ALS2: variants seen among roughly 807,000 people sequenced by gnomAD.
The protein encoded by ALS2 is alsin Rho guanine nucleotide exchange factor ALS2.
Under a neutral mutation model 203.4 loss-of-function variants are expected in ALS2, and 117 were observed. That is an observed-to-expected ratio of 0.58 (90% CI 0.50 to 0.67). The LOEUF (loss-of-function observed/expected upper bound fraction) is 0.67, where lower values mean the gene tolerates loss of function less well. Ranked by LOEUF, ALS2 falls within the 30% of genes least tolerant of loss-of-function variation. The probability of loss-of-function intolerance (pLI) is 0.00; values close to 1 mark genes in which losing one functional copy is unlikely to be tolerated. For synonymous variants in ALS2, 718 were observed against 725.9 expected (o/e 0.99, Z 0.17); for missense variants, 1,715 against 1,989.4 (o/e 0.86, Z 2.62).
intron 2 of ALS2, among the ~76,000 whole-genome samples, chr2:201,767,907 C>T (rs1220557390): frequency 6.6e-6 from 1 of 151,308 alleles, no homozygotes; most frequent in African/African-American, 2.4e-5. Context: ...CACTCTAAAC[C>T]CACAAATTAC....
At chr2:201,767,757 A>G (rs1694171082) in intron 2 of ALS2, among the ~76,000 whole-genome samples, 1 of 151,154 alleles carries the variant, frequency 6.6e-6, no homozygotes, top group South Asian at 2.1e-4. Context: ...AGTCCCAGCT[A>G]CTCAGGAGGC....
chr2:201,712,099 T>C (rs1690068596), intron 25 of ALS2, among the ~76,000 whole-genome samples: 1 of 152,204 alleles, frequency 6.6e-6, no homozygotes, highest in South Asian at 2.1e-4. Flanking sequence ...AAATTACTTC[T>C]TTCTACATTT....
Position 201,760,300 on chromosome 2 carries a change from G to T in ALS2, c.1113+581C>A, listed in dbSNP as rs914841750. On this transcript the variant is annotated intron_variant, in intron 4 of 33. Transcript: ENST00000264276. ...CACTCCAGCCTGGGTGACAGAGCAA[G>T]ACCCCATCTCAAAAACAAACAAACA... The T allele has an allele frequency of 2.6e-5, 25 of 966,978 alleles. No homozygotes were observed. The African/African-American group carries it at 4.1e-4, about 16-fold the overall frequency. The allele number at this position is 966,978 out of a possible 1,614,324, so 59.9% of individuals were successfully genotyped here.
At chr2:201,771,589 C>T (rs1033236018) in intron 1 of ALS2, among the ~76,000 whole-genome samples, 5 of 152,166 alleles carry the variant, frequency 3.3e-5, no homozygotes, top group African/African-American at 1.2e-4. Flanking sequence ...TTCTCAATTA[C>T]GTATCCATCC....
intron 5 of ALS2, among the ~76,000 whole-genome samples, chr2:201,756,475 C>T (rs913481198): frequency 6.6e-6 from 1 of 152,076 alleles, no homozygotes; most frequent in Non-Finnish European, 1.5e-5. Context: ...GTCTAGAATT[C>T]CTAACTTTTG....
chr2:201,768,984 A>C, intron 1 of ALS2, 39 bp from the exon 2 acceptor site: 4 of 1,077,290 alleles, frequency 3.7e-6, no homozygotes, highest in Non-Finnish European at 5.5e-6. Context: ...GTAAAAGAAT[A>C]TTTTACCCCT....
chr2:201,751,493 T>C (rs1391370866), intron 7 of ALS2, among the ~76,000 whole-genome samples: 2 of 152,210 alleles, frequency 1.3e-5, no homozygotes, highest in African/African-American at 2.4e-5. Context: ...ACTTCTTTTA[T>C]GACGAAAATA....
chr2:201,736,369 C>T (rs1030517602), intron 12 of ALS2, among the ~76,000 whole-genome samples: 1 of 152,078 alleles, frequency 6.6e-6, no homozygotes, highest in African/African-American at 2.4e-5. Context: ...TCCAATAATT[C>T]ATAATGGATT....
At chr2:201,717,796 C>T (rs529512393) in intron 24 of ALS2, among the ~76,000 whole-genome samples, 12 of 151,872 alleles carry the variant, frequency 7.9e-5, no homozygotes, top group South Asian at 4.2e-4. Flanking sequence ...AAAAATTAGC[C>T]GGGCATGGTA....
intron 27 of ALS2, among the ~76,000 whole-genome samples, chr2:201,709,496 C>T (rs376751646): frequency 4.6e-5 from 7 of 152,216 alleles, no homozygotes; most frequent in African/African-American, 1.4e-4. Context: ...GATACTGTTG[C>T]CAAAGGACAA....
At chr2:201,776,123 T>C (rs1222643419) in intron 1 of ALS2, among the ~76,000 whole-genome samples, 1 of 152,200 alleles carries the variant, frequency 6.6e-6, no homozygotes, top group Non-Finnish European at 1.5e-5. Flanking sequence ...AACTCTCATA[T>C]ATAATTTGCT....
At chr2:201,709,002 C>T (rs943207216) in intron 27 of ALS2, among the ~76,000 whole-genome samples, 6 of 152,170 alleles carry the variant, frequency 3.9e-5, no homozygotes, top group African/African-American at 1.2e-4. Flanking sequence ...TGAAACATTT[C>T]CAATGTTGAG....
intron 26 of ALS2, among the ~76,000 whole-genome samples, chr2:201,710,433 TA>T (rs111300498): frequency 5.5e-5 from 8 of 145,028 alleles, no homozygotes; most frequent in Admixed American, 1.4e-4. Flanking sequence ...CCCCCATATC[TA>T]AAAAAAAAAA....
chr2:201,726,181 T>G (rs1184246613), intron 19 of ALS2, among the ~76,000 whole-genome samples: 1 of 152,090 alleles, frequency 6.6e-6, no homozygotes, highest in Non-Finnish European at 1.5e-5. Context: ...GTCCCACCAT[T>G]AACATTACCA....
chr2:201,729,274 T>C, intron 13 of ALS2, 91 bp from the exon 14 acceptor site: 1 of 1,416,268 alleles, frequency 7.1e-7, no homozygotes, highest in East Asian at 2.5e-5. Flanking sequence ...AGACATATAG[T>C]ATTAAATGTA....
chr2:201,746,966 T>C (rs925718651), intron 8 of ALS2, among the ~76,000 whole-genome samples: 17 of 152,280 alleles, frequency 1.1e-4, no homozygotes, highest in African/African-American at 3.9e-4. Context: ...ACTGTTTTTA[T>C]AAAAATCTGA....
chr2:201,732,801 G>A (rs1019588533), intron 13 of ALS2, among the ~76,000 whole-genome samples: 15 of 152,158 alleles, frequency 9.9e-5, no homozygotes, highest in Non-Finnish European at 2.1e-4. Flanking sequence ...GTTAACATTT[G>A]AGAAAATCCT....
intron 1 of ALS2, among the ~76,000 whole-genome samples, chr2:201,777,181 C>T (rs1465994735): frequency 6.6e-6 from 1 of 152,098 alleles, no homozygotes; most frequent in African/African-American, 2.4e-5. Context: ...CTCCCCTATA[C>T]TTCCAGAGTT....
chr2:201,744,468 T>G, intron 9 of ALS2, 39 bp from the exon 10 acceptor site: 1 of 1,567,014 alleles, frequency 6.4e-7, no homozygotes, highest in East Asian at 2.3e-5. Context: ...ATATAACATA[T>G]AATTATGTTA....
Sources: allele counts gnomAD v4.1 joint callset (sites outside exome capture counted in the v4.1 genomes callset), GRCh38; gene constraint gnomAD v4.1.1; transcripts MANE v1.5; gene names NCBI Gene and HGNC (gene_info 2026-07-23, HGNC 2026-07-21).